ZNG1F: variants seen among roughly 807,000 people sequenced by gnomAD.
ZNG1F encodes the protein Zn regulated GTPase metalloprotein activator 1F.
the ZNG1F span, among the ~76,000 whole-genome samples, chr9:41,193,755 C>T: frequency 1.6e-3 from 240 of 151,736 alleles, 1 homozygote; most frequent in African/African-American, 5.2e-3. Context: ...CAAAAATTAG[C>T]TGGGTGTGGT....
the ZNG1F span, among the ~76,000 whole-genome samples, chr9:41,203,387 T>A: frequency 6.6e-6 from 1 of 151,982 alleles, no homozygotes; most frequent in African/African-American, 2.4e-5. Flanking sequence ...TGAGTTTTAA[T>A]AACATTTATA....
chr9:41,146,578 A>T, the ZNG1F span, among the ~76,000 whole-genome samples: 1 of 17,500 alleles, frequency 5.7e-5, no homozygotes, highest in African/African-American at 1.1e-4. Flanking sequence ...ATCATCTTGC[A>T]CATTAACTTG....
chr9:41,149,846 A>T, the ZNG1F span, among the ~76,000 whole-genome samples: 1 of 151,396 alleles, frequency 6.6e-6, no homozygotes, highest in South Asian at 2.1e-4. Flanking sequence ...ACTACAATAA[A>T]AAAAGAAAAA....
At chr9:41,146,130 A>T in the ZNG1F span, 1 of 146,614 alleles carries the variant, frequency 6.8e-6, no homozygotes, top group Non-Finnish European at 1.5e-5. Flanking sequence ...TAGTAAGGAG[A>T]ATGTCAAATT....
the ZNG1F span, among the ~76,000 whole-genome samples, chr9:41,151,347 T>A: frequency 7.4e-5 from 11 of 149,436 alleles, no homozygotes; most frequent in Non-Finnish European, 4.5e-5. Context: ...AATATGGGAC[T>A]ATGTGAAAAG....
chr9:41,156,006 C>A, the ZNG1F span, among the ~76,000 whole-genome samples: 2 of 105,030 alleles, frequency 1.9e-5, no homozygotes, highest in African/African-American at 7.2e-5. Context: ...TTAAAAAAAT[C>A]TCAAGAAAAA....
At chr9:41,145,583 CT>C in the ZNG1F span, 2 of 331,616 alleles carry the variant, frequency 6.0e-6, no homozygotes, top group Non-Finnish European at 5.4e-6. Flanking sequence ...AAAAACTAGT[CT>C]TTTAGCAACA....
At chr9:41,193,045 C>T in the ZNG1F span, among the ~76,000 whole-genome samples, 1 of 148,004 alleles carries the variant, frequency 6.8e-6, no homozygotes, top group Non-Finnish European at 1.5e-5. Flanking sequence ...TCCCATTTAA[C>T]TCTCCAAGGT....
chr9:41,178,904 T>C, the ZNG1F span, among the ~76,000 whole-genome samples: 1 of 134,262 alleles, frequency 7.4e-6, no homozygotes, highest in East Asian at 2.2e-4. Context: ...GGCCTCCTTT[T>C]GGAAGATGCC....
the ZNG1F span, among the ~76,000 whole-genome samples, chr9:41,150,451 C>CG: frequency 7.9e-6 from 1 of 126,878 alleles, no homozygotes; most frequent in Non-Finnish European, 1.7e-5. Context: ...CCAGGAAGCT[C>CG]CAACTGGGTG....
At chr9:41,140,965 C>A in the ZNG1F span, among the ~76,000 whole-genome samples, 2 of 151,796 alleles carry the variant, frequency 1.3e-5, no homozygotes, top group African/African-American at 4.8e-5. Context: ...GGGTTTTAAG[C>A]AATCCACCCA....
the ZNG1F span, among the ~76,000 whole-genome samples, chr9:41,202,843 AT>A: frequency 6.7e-6 from 1 of 150,234 alleles, no homozygotes; most frequent in Admixed American, 6.7e-5. Context: ...CAGAGACCTT[AT>A]TCACATTTTG....
At chr9:41,145,486 T>G in the ZNG1F span, 111 of 530,100 alleles carry the variant, frequency 2.1e-4, 3 homozygotes, top group Middle Eastern at 5.3e-4. Context: ...CAAATTCCAA[T>G]AGAGAAAAGC....
At chr9:41,201,065 AAGAT>A in the ZNG1F span, among the ~76,000 whole-genome samples, 3 of 145,646 alleles carry the variant, frequency 2.1e-5, no homozygotes, top group Non-Finnish European at 3.0e-5. Flanking sequence ...TTATAACAGA[AAGAT>A]AGAGTATTAC....
At chr9:41,201,686 C>T in the ZNG1F span, among the ~76,000 whole-genome samples, 2 of 142,378 alleles carry the variant, frequency 1.4e-5, no homozygotes, top group Admixed American at 7.4e-5. Context: ...ATAAGTTTGG[C>T]TCACTCAAAG....
the ZNG1F span, among the ~76,000 whole-genome samples, chr9:41,193,039 AT>A: frequency 2.0e-5 from 3 of 149,222 alleles, no homozygotes; most frequent in Non-Finnish European, 4.5e-5. Flanking sequence ...GCATTATCCC[AT>A]TTAACTCTCC....
chr9:41,159,152 C>T, the ZNG1F span, among the ~76,000 whole-genome samples: 100 of 150,856 alleles, frequency 6.6e-4, 1 homozygote, highest in Non-Finnish European at 1.1e-3. Flanking sequence ...GCAGCTACTG[C>T]TTAGGGATAT....
the ZNG1F span, among the ~76,000 whole-genome samples, chr9:41,185,602 G>C: frequency 8.1e-3 from 1,233 of 151,314 alleles, 2 homozygotes; most frequent in African/African-American, 0.026. Flanking sequence ...TAACCCGGGA[G>C]ACAGAGGTGG....
the ZNG1F span, among the ~76,000 whole-genome samples, chr9:41,203,171 A>T: frequency 1.3e-5 from 2 of 152,248 alleles, no homozygotes; most frequent in African/African-American, 4.8e-5. Context: ...CTAGAATGTT[A>T]ACTTTGTCAG....
Sources: gnomAD v4.1 joint callset for allele counts (sites outside exome capture counted in the v4.1 genomes callset) on GRCh38, gnomAD v4.1.1 for gene constraint, MANE v1.5 for transcripts, NCBI Gene and HGNC (gene_info 2026-07-23, HGNC 2026-07-21) for gene names.